The following PHYHD1 variants were observed in gnomAD, a reference collection of about 807,000 sequenced individuals.
The protein encoded by PHYHD1 is phytanoyl-CoA dioxygenase domain containing 1.
Under a neutral mutation model 43.6 loss-of-function variants are expected in PHYHD1, and 42 were observed. The ratio of observed to expected loss-of-function variants is 0.96; its 90% CI spans 0.75 to 1.25. PHYHD1 has a LOEUF of 1.25. Among genes scored for constraint, PHYHD1 ranks in the 50% most tolerant of loss-of-function variants. The pLI is 0.00. For missense variants in PHYHD1, 342 were observed against 370.8 expected (o/e 0.92, Z 0.64); for synonymous variants, 139 against 143.6 (o/e 0.97, Z 0.23).
At chr9:128,940,801 C>A in intron 11 of PHYHD1, 86 bp downstream of exon 11, 1 of 1,397,712 alleles carries the variant, frequency 7.2e-7, no homozygotes, top group Non-Finnish European at 9.9e-7. Context: ...AGAGGTTGCC[C>A]TCGGGGTCAT....
At chr9:128,937,714 C>A (rs1441484414) in intron 8 of PHYHD1, 43 bp from the exon 9 acceptor site, 1 of 1,612,542 alleles carries the variant, frequency 6.2e-7, no homozygotes, top group African/African-American at 1.3e-5. Flanking sequence ...CAGCTCCTCT[C>A]TGCTCTCTTC....
intron 5 of PHYHD1, 46 bp downstream of exon 5, chr9:128,933,903 T>C: frequency 6.2e-7 from 1 of 1,607,450 alleles, no homozygotes. Flanking sequence ...ATGGTGAGGG[T>C]AGGCTGGACC....
At chr9:128,939,844 A>G (rs112954190) in intron 9 of PHYHD1, among the ~76,000 whole-genome samples, 11,682 of 102,562 alleles carry the variant, frequency 0.11, 751 homozygotes, top group Non-Finnish European at 0.17. Flanking sequence ...TAGTAGAGAC[A>G]GGGTTTCACC....
At chr9:128,934,501 G>A (rs954685409) in intron 6 of PHYHD1, among the ~76,000 whole-genome samples, 5 of 151,980 alleles carry the variant, frequency 3.3e-5, no homozygotes, top group African/African-American at 4.8e-5. Flanking sequence ...GGGCGTGGTC[G>A]TTCACGTCTG....
At chr9:128,940,221 C>G (rs1398744199) in intron 9 of PHYHD1, 148 bp from the exon 10 acceptor site, 1 of 1,290,300 alleles carries the variant, frequency 7.8e-7, no homozygotes, top group Non-Finnish European at 1.1e-6. Flanking sequence ...GCCTTAGAGT[C>G]CTGGGCCAGG....
intron 3 of PHYHD1, among the ~76,000 whole-genome samples, chr9:128,922,936 C>CTTTT (rs59238657): frequency 1.5e-4 from 14 of 90,656 alleles, no homozygotes; most frequent in Non-Finnish European, 1.7e-4. Context: ...ATGCCCAGCT[C>CTTTT]TTTTTTTTTT....
At chr9:128,931,756 T>C (rs1224468187) in intron 4 of PHYHD1, among the ~76,000 whole-genome samples, 1 of 151,926 alleles carries the variant, frequency 6.6e-6, no homozygotes, top group Non-Finnish European at 1.5e-5. Flanking sequence ...CTCGATCTCC[T>C]GACCTCGTGA....
In PHYHD1 at chr9:128,926,960, AC is replaced by A. The variant is rs754061031; in HGVS notation, c.34-77del. ...ACAAGATACCTGGTCCCACCTTCAC[AC>A]AGCTGCAAGGTTGAGGGAAGGGTCA... On this transcript the variant is annotated intron_variant, in intron 3 of 12. Transcript: ENST00000372592. The A allele has an allele frequency of 4.4e-6, 7 of 1,597,252 alleles. No homozygotes were observed. The Admixed American group carries it at 1.2e-4, about 27-fold the overall frequency.
intron 11 of PHYHD1, 74 bp from the exon 12 acceptor site, chr9:128,941,371 C>G: frequency 6.3e-7 from 1 of 1,576,972 alleles, no homozygotes; most frequent in Non-Finnish European, 8.6e-7. Context: ...AGGAGGAGGG[C>G]CCATGTCCCT....
intron 9 of PHYHD1, among the ~76,000 whole-genome samples, chr9:128,939,661 A>ATTTTTTTTTTT (rs533393185): frequency 0.014 from 1,628 of 113,416 alleles, 149 homozygotes; most frequent in African/African-American, 0.046. Context: ...CAACTTCCCA[A>ATTTTTTTTTTT]TTTTTTTTTT....
intron 3 of PHYHD1, among the ~76,000 whole-genome samples, chr9:128,926,558 C>CTTTTTTTTTTTTTTT (rs56677426): frequency 8.4e-6 from 1 of 119,116 alleles, no homozygotes; most frequent in African/African-American, 3.1e-5. Flanking sequence ...CTTTTTCTTT[C>CTTTTTTTTTTTTTTT]TTTTTTTTTT....
chr9:128,931,429 C>T (rs1231582197), intron 4 of PHYHD1, among the ~76,000 whole-genome samples: 1 of 151,996 alleles, frequency 6.6e-6, no homozygotes, highest in Non-Finnish European at 1.5e-5. Context: ...GGATTTAAAC[C>T]CAAGGATTTC....
At chr9:128,939,447 C>T (rs1479697577) in intron 9 of PHYHD1, among the ~76,000 whole-genome samples, 4 of 121,838 alleles carry the variant, frequency 3.3e-5, no homozygotes, top group African/African-American at 1.0e-4. Context: ...GGCGTGGTGT[C>T]AGGCACCTGT....
intron 3 of PHYHD1, among the ~76,000 whole-genome samples, chr9:128,924,875 C>T (rs1457933628): frequency 6.6e-6 from 1 of 151,932 alleles, no homozygotes; most frequent in Non-Finnish European, 1.5e-5. Context: ...GTAGAGGTTG[C>T]GATGAGCTGA....
intron 4 of PHYHD1, among the ~76,000 whole-genome samples, chr9:128,930,455 A>G (rs1186750433): frequency 1.3e-5 from 2 of 151,006 alleles, no homozygotes; most frequent in African/African-American, 4.9e-5. Context: ...TTTAAAAAAA[A>G]AAAAACAAAC....
chr9:128,940,805 G>C (rs1343116871), intron 11 of PHYHD1, 90 bp downstream of exon 11: 1 of 1,359,774 alleles, frequency 7.4e-7, no homozygotes, highest in Non-Finnish European at 1.0e-6. Context: ...GTTGCCCTCG[G>C]GGTCATCTGA....
chr9:128,940,709 CAG>C lies in PHYHD1; in HGVS notation c.702_703del (p.Ala236ProfsTer18). 6.2e-7 allele frequency: 1 copy of C among 1,613,250 alleles called. No homozygotes were observed. On this transcript the variant is annotated frameshift_variant, in exon 11 of 13. Coordinates refer to ENST00000372592, the MANE Select transcript of PHYHD1 (RefSeq NM_001100876.2). LOFTEE classifies it high-confidence loss of function. The stretch of plus-strand genomic sequence containing the variant: ...CAGCCTCTTTGTGCCCACCCCAGTG[CAG>C]AGAGGTAGGCAGATGCAGAGGGCAG... ...DNSLFVPTPV[Q>X]RGALVLIHGE... is the part of the protein sequence containing the mutation.
chr9:128,923,188 C>T (rs1225888732), intron 3 of PHYHD1, among the ~76,000 whole-genome samples: 2 of 152,240 alleles, frequency 1.3e-5, no homozygotes, highest in Non-Finnish European at 2.9e-5. Flanking sequence ...AAGTGATCCG[C>T]CTGCCTTGGC....
At chr9:128,932,070 G>A (rs1370897380) in intron 4 of PHYHD1, among the ~76,000 whole-genome samples, 1 of 149,918 alleles carries the variant, frequency 6.7e-6, no homozygotes, top group Non-Finnish European at 1.5e-5. Flanking sequence ...CCTGACCTCG[G>A]GTGATCTGCC....
Sources: gnomAD v4.1 joint callset for allele counts (sites outside exome capture counted in the v4.1 genomes callset) on GRCh38, gnomAD v4.1.1 for gene constraint, MANE v1.5 for transcripts, NCBI Gene and HGNC (gene_info 2026-07-23, HGNC 2026-07-21) for gene names.